LAIR1: variants seen among roughly 807,000 people sequenced by gnomAD.
LAIR1 encodes the protein leukocyte-associated immunoglobulin-like receptor 1.
Under a neutral mutation model 32.8 loss-of-function variants are expected in LAIR1, and 24 were observed. That is an observed-to-expected ratio of 0.73 (90% CI 0.53 to 1.03). The LOEUF (loss-of-function observed/expected upper bound fraction) is 1.03. Ranked by LOEUF, LAIR1 falls within the 50% of genes least tolerant of loss-of-function variation. The probability of loss-of-function intolerance (pLI) is 0.00; values close to 1 mark genes in which losing one functional copy is unlikely to be tolerated. For synonymous variants in LAIR1, 150 were observed against 140.5 expected, an observed-to-expected ratio of 1.07 and a Z score of -0.48; for missense variants, 355 against 347.5, an observed-to-expected ratio of 1.02 and a Z score of -0.17.
In LAIR1 at chr19:54,352,948, C is replaced by T. The variant is rs1188146711; in HGVS notation, c.*2320G>A. On this transcript the variant is annotated 3_prime_UTR_variant, in exon 10 of 10. Transcript: ENST00000391742. ...CTGAGGTGGGCAGATCACCTGAGGT[C>T]GGGAGTTCAAGACCAGCCTGAGCAA... The T allele has an allele frequency of 6.6e-6, 1 of 152,102 alleles. No individual in the cohort carries two copies. Among genetic ancestry groups the T allele is most frequent in the Non-Finnish European group, 1.5e-5 (1 of 68,042 alleles). 9.4% of individuals were successfully genotyped at this position (152,102 alleles called of 1,614,324 possible). A position where few individuals can be genotyped will look rare whatever the true frequency, so the allele number is the denominator to read the frequency against.
In LAIR1 at chr19:54,357,225, G is replaced by A. The variant is rs117655127; in HGVS notation, c.416-259C>T. On this transcript the variant is annotated intron_variant, in intron 4 of 9. Transcript: ENST00000391742. ...AATGGCATGAGAAGCTGGCTGCACC[G>A]TCTGCACCTCCAGGACTCAGTGACC... 1,967 of 525,910 alleles carry A rather than the reference G, an allele frequency of 3.7e-3. 7 individuals are homozygous for A. The highest frequency in any genetic ancestry group is 5.0e-3 in the Non-Finnish European group (1,474 of 293,128). 32.6% of individuals were successfully genotyped at this position (525,910 alleles called of 1,614,324 possible).
At chr19:54,375,793 C>T in the LAIR1 span, among the ~76,000 whole-genome samples, 7 of 151,812 alleles carry the variant, frequency 4.6e-5, no homozygotes, top group Admixed American at 2.0e-4. Flanking sequence ...CAGAGACGAG[C>T]CACACAAGTC....
In LAIR1 at chr19:54,358,014, A is replaced by G. The variant is rs542959720; in HGVS notation, c.416-1048T>C. ...TGTATTATGCAAATGTATAATATATAACAAATATATTTTTAATTATGTAAT... is the reference window on the plus strand; with the variant it reads ...TGTATTATGCAAATGTATAATATATGACAAATATATTTTTAATTATGTAAT... On this transcript the variant is annotated intron_variant, in intron 4 of 9. Transcript: ENST00000391742. The G allele has an allele frequency of 2.7e-5, 4 of 148,264 alleles. No individual in the cohort carries two copies. In the East Asian group the frequency reaches 7.8e-4, roughly 29 times the overall value. 9.2% of individuals were successfully genotyped at this position (148,264 alleles called of 1,614,324 possible). A position where few individuals can be genotyped will look rare whatever the true frequency, so the allele number is the denominator to read the frequency against.
At position 54,355,385 on chromosome 19, in the gene LAIR1, C is replaced by T; in HGVS notation, c.747G>A (p.Val249=). ...CCCAGTGGTCCAGCTGAGCATACGT[C>T]ACCTCCTGGGAACTCCCTGCAGCCA... ...SALAAGSSQE[V]TYAQLDHWAL... is the part of the protein sequence containing the mutation. Residue 249 remains valine, a synonymous_variant, in exon 10 of 10, where the codon GTG becomes GTA. Transcript: ENST00000391742. This position sits in a 1 kb window ranked among gnomAD's most constrained non-coding sequence, Gnocchi z 4.7. 1 of 1,611,178 alleles carries T rather than the reference C, an allele frequency of 6.2e-7. No individual in the cohort carries two copies. Among genetic ancestry groups the T allele is most frequent in the African/African-American group, 1.3e-5 (1 of 74,854 alleles).
chr19:54,364,855 C>T lies in LAIR1; in HGVS notation c.-51G>A. The T allele has an allele frequency of 6.2e-7, 1 of 1,614,012 alleles. No homozygotes were observed. Among genetic ancestry groups the T allele is most frequent in the Non-Finnish European group, 8.5e-7 (1 of 1,179,934 alleles). On this transcript the variant is annotated 5_prime_UTR_variant, in exon 1 of 10. Coordinates refer to ENST00000391742, the MANE Select transcript of LAIR1 (RefSeq NM_002287.6). This position sits in a 1 kb window ranked among gnomAD's most constrained non-coding sequence, Gnocchi z 4.8. ...GGCCTGAGGCGCACCAATGCAAGGA[C>T]AGAACTCTGCAGCAGACACAAGCAG...
upstream of LAIR1, chr19:54,368,545 T>A (rs1466403265): frequency 6.6e-6 from 1 of 152,168 alleles, no homozygotes; most frequent in Non-Finnish European, 1.5e-5. Context: ...TGCATCCACT[T>A]AATCTGTGCA....
At chr19:54,367,044 G>A (rs374528199), upstream of LAIR1, among the ~76,000 whole-genome samples, 10 of 152,272 alleles carry the variant, frequency 6.6e-5, no homozygotes, top group East Asian at 1.7e-3. Flanking sequence ...AGGGAGTCAC[G>A]TGCTGTACCA....
upstream of LAIR1, among the ~76,000 whole-genome samples, chr19:54,367,844 C>T (rs1371012847): frequency 6.9e-6 from 1 of 145,858 alleles, no homozygotes; most frequent in Non-Finnish European, 1.5e-5. Context: ...GCAATCTCGG[C>T]TCACTGCAAG....
rs2082174341 is a variant in LAIR1 at position 54,364,575 on chromosome 19, C to G, written c.34+196G>C. 3.8e-6 allele frequency: 3 copies of G among 796,764 alleles called. No individual in the cohort carries two copies. Among genetic ancestry groups the G allele is most frequent in the Non-Finnish European group, 6.6e-6 (3 of 455,104 alleles). 49.4% of individuals were successfully genotyped at this position (796,764 alleles called of 1,614,324 possible). ...GCCCTTCTTAAAGCTGACCTCATCC[C>G]CACACCCGGGCCCCTGTTTTTAGGA... is the stretch of plus-strand genomic sequence containing the variant. On this transcript the variant is annotated intron_variant, in intron 1 of 9. Transcript: ENST00000391742. This position sits in a 1 kb window ranked among gnomAD's most constrained non-coding sequence, Gnocchi z 4.8.
chr19:54,355,136 G>T lies in LAIR1; in HGVS notation c.*132C>A. The T allele has an allele frequency of 1.1e-6, 1 of 876,572 alleles. No homozygotes were observed. Among genetic ancestry groups the T allele is most frequent in the Non-Finnish European group, 1.8e-6 (1 of 570,202 alleles). The allele number at this position is 876,572 out of a possible 1,614,324, so 54.3% of individuals were successfully genotyped here. A position where few individuals can be genotyped will look rare whatever the true frequency, so the allele number is the denominator to read the frequency against. On this transcript the variant is annotated 3_prime_UTR_variant, in exon 10 of 10. Transcript: ENST00000391742. The surrounding 1 kb of genome is among the most constrained non-coding windows in gnomAD (Gnocchi z 4.7). ...TAGAAACCTCCAGTCTCCAGCTCTT[G>T]TCTCCAGGACAGCTGCCTGGCTGGC... is the stretch of plus-strand genomic sequence containing the variant.
In LAIR1 at chr19:54,354,936, C is replaced by T. The variant is rs542493509; in HGVS notation, c.*332G>A. 7.7e-6 allele frequency: 2 copies of T among 260,860 alleles called. No individual in the cohort carries two copies. The highest frequency in any genetic ancestry group is 4.4e-5 in the African/African-American group (2 of 45,220). The allele number at this position is 260,860 out of a possible 1,614,324, so 16.2% of individuals were successfully genotyped here. ...ATTGGCTGTAGCTGGGCCTTTAGAA[C>T]AGGCAGGTGACTTTAGCTGGGTCTC... On this transcript the variant is annotated 3_prime_UTR_variant, in exon 10 of 10. Transcript: ENST00000391742.
In LAIR1 at chr19:54,364,881, A is replaced by G; in HGVS notation, c.-77T>C. On this transcript the variant is annotated 5_prime_UTR_variant, in exon 1 of 10. Transcript: ENST00000391742. The surrounding 1 kb of genome is among the most constrained non-coding windows in gnomAD (Gnocchi z 4.8). ...AGAACTCTGCAGCAGACACAAGCAG[A>G]CAGGATGTGCTGCCCGGGGGCCTCC... The G allele has an allele frequency of 6.2e-7, 1 of 1,613,390 alleles. No homozygotes were observed. Among genetic ancestry groups the G allele is most frequent in the Middle Eastern group, 1.6e-4 (1 of 6,062 alleles).
rs3745443 is a variant in LAIR1 at position 54,360,786 on chromosome 19, G to C, written c.364+130C>G. ...GGTGTGTGCAGAGGAAGAAGGGGAGGGGAGGGCTTGGGGTCAGGAGGAGGA... is the reference window on the plus strand; with the variant it reads ...GGTGTGTGCAGAGGAAGAAGGGGAGCGGAGGGCTTGGGGTCAGGAGGAGGA... On this transcript the variant is annotated intron_variant, in intron 3 of 9. Coordinates refer to ENST00000391742, the MANE Select transcript of LAIR1 (RefSeq NM_002287.6). 1.3e-3 allele frequency: 856 copies of C among 648,998 alleles called. 15 individuals are homozygous for C. The East Asian group carries it at 0.022, about 17-fold the overall frequency. The allele number at this position is 648,998 out of a possible 1,614,324, so 40.2% of individuals were successfully genotyped here. A position where few individuals can be genotyped will look rare whatever the true frequency, so the allele number is the denominator to read the frequency against.
chr19:54,359,637 C>T (rs2081911855), intron 4 of LAIR1, among the ~76,000 whole-genome samples: 2 of 152,268 alleles, frequency 1.3e-5, no homozygotes, highest in Non-Finnish European at 2.9e-5. Flanking sequence ...CGGGCGAGCC[C>T]GGAAGTCTGG....
At chr19:54,375,995 T>C in the LAIR1 span, among the ~76,000 whole-genome samples, 3 of 151,708 alleles carry the variant, frequency 2.0e-5, no homozygotes, top group African/African-American at 7.3e-5. Flanking sequence ...CTCCATCAGG[T>C]GACTCAGGTG....
At chr19:54,368,706 T>C (rs2082328406), upstream of LAIR1, 3 of 152,046 alleles carry the variant, frequency 2.0e-5, no homozygotes, top group Admixed American at 2.0e-4. Context: ...TATTTATTTA[T>C]TTATATATTT....
At chr19:54,373,956 T>G (rs554495078), upstream of LAIR1, among the ~76,000 whole-genome samples, 1 of 152,368 alleles carries the variant, frequency 6.6e-6, no homozygotes, top group East Asian at 1.9e-4. Flanking sequence ...ATGTCATTTC[T>G]GTCCAGAATT....
upstream of LAIR1, among the ~76,000 whole-genome samples, chr19:54,366,182 C>G (rs2082246612): frequency 6.6e-6 from 1 of 152,148 alleles, no homozygotes; most frequent in Admixed American, 6.5e-5. Context: ...TACGACCCAT[C>G]GTCAGCAATA....
In LAIR1 at chr19:54,364,246, C is replaced by T. The variant is rs528070648; in HGVS notation, c.70+49G>A. 145 of 1,587,582 alleles carry T rather than the reference C, an allele frequency of 9.1e-5. No homozygotes were observed. Among genetic ancestry groups the T allele is most frequent in the Middle Eastern group, 3.5e-4 (2 of 5,664 alleles). The stretch of plus-strand genomic sequence containing the variant: ...AACATCACTCCCACCCAGCACTGCC[C>T]TTGGGGTGACAGAGGGGACTGGGAA... On this transcript the variant is annotated intron_variant, in intron 2 of 9. Transcript: ENST00000391742. The surrounding 1 kb of genome is among the most constrained non-coding windows in gnomAD (Gnocchi z 4.8).
Sources: allele counts gnomAD v4.1 joint callset (sites outside exome capture counted in the v4.1 genomes callset), GRCh38; gene constraint gnomAD v4.1.1; non-coding constraint Gnocchi (gnomAD v3.1); transcripts MANE v1.5; gene names NCBI Gene and HGNC (gene_info 2026-07-23, HGNC 2026-07-21).